Variants in TWIST2 observed in about 807,000 individuals in gnomAD.
The protein encoded by TWIST2 is twist family bHLH transcription factor 2, also known as twist-related protein 2.
Under a neutral mutation model 11.6 loss-of-function variants are expected in TWIST2, and 1 was observed. The ratio of observed to expected loss-of-function variants is 0.09; its 90% CI spans 0.03 to 0.41. The LOEUF (loss-of-function observed/expected upper bound fraction) is 0.41, where lower values mean the gene tolerates loss of function less well. Among genes scored for constraint, TWIST2 ranks in the 10% least tolerant of loss-of-function variants. The pLI is 0.98. For synonymous variants in TWIST2, 87 were observed against 96.6 expected (o/e 0.90, Z 0.58); for missense variants, 168 against 226.4 (o/e 0.74, Z 1.66).
intron 1 of TWIST2, among the ~76,000 whole-genome samples, chr2:238,885,249 CT>C (rs201888718): frequency 0.062 from 9,366 of 152,284 alleles, 505 homozygotes; most frequent in East Asian, 0.29. Context: ...CCTGGCTCCC[CT>C]GGATGGTGGT....
In TWIST2 at chr2:238,870,228, CAT is replaced by C. The variant is rs1303474178; in HGVS notation, c.*35+21497_*35+21498del. Among the ~76,000 whole-genome samples the C allele has an allele frequency of 9.3e-5, 2 of 21,582 alleles. 1 individual carries two copies. Among genetic ancestry groups the C allele is most frequent in the Admixed American group, 9.8e-4 (2 of 2,046 alleles). The allele number at this position is 21,582 out of a possible 152,430, so 14.2% of individuals were successfully genotyped here. ...AACCACACACCCCACACACACATCA[CAT>C]ACCACACACAAACCACACACCCCAC... On this transcript the variant is annotated intron_variant, in intron 1 of 1. Transcript: ENST00000612363.
At chr2:238,854,951 T>C (rs891780315) in intron 1 of TWIST2, among the ~76,000 whole-genome samples, 25 of 152,240 alleles carry the variant, frequency 1.6e-4, no homozygotes, top group African/African-American at 6.0e-4. Flanking sequence ...CTTTCCTTCA[T>C]CTCTGCTCTT....
chr2:238,857,234 G>C (rs1020321922), intron 1 of TWIST2, among the ~76,000 whole-genome samples: 2 of 152,176 alleles, frequency 1.3e-5, no homozygotes, highest in Non-Finnish European at 2.9e-5. Context: ...TTTGCAAGTA[G>C]CTGTCCCACC....
intron 1 of TWIST2, among the ~76,000 whole-genome samples, chr2:238,901,471 G>C (rs2106373154): frequency 6.6e-6 from 1 of 152,306 alleles, no homozygotes; most frequent in South Asian, 2.1e-4. Context: ...CTCCTCAGTA[G>C]GTGAATTCTG....
intron 1 of TWIST2, among the ~76,000 whole-genome samples, chr2:238,869,659 C>A (rs1007012265): frequency 2.6e-5 from 4 of 152,250 alleles, no homozygotes; most frequent in African/African-American, 9.6e-5. Flanking sequence ...TACCAGCTCA[C>A]ACCTATGAGG....
At chr2:238,897,613 C>T (rs1435904463) in intron 1 of TWIST2, among the ~76,000 whole-genome samples, 4 of 152,318 alleles carry the variant, frequency 2.6e-5, no homozygotes, top group Admixed American at 1.3e-4. Context: ...GCTTAGAGCT[C>T]GCAGTGCAGA....
chr2:238,855,078 C>T lies in TWIST2; in HGVS notation c.*35+6345C>T, dbSNP rs548575037. 5.3e-5 allele frequency among the ~76,000 whole-genome samples: 8 copies of T among 152,296 alleles called. No homozygotes were observed. The East Asian group carries it at 5.8e-4, about 11-fold the overall frequency. On this transcript the variant is annotated intron_variant, in intron 1 of 1. Coordinates refer to ENST00000612363, the MANE Select transcript of TWIST2 (RefSeq NM_001271893.4). ...TCCACAACTCAGACTTTTAGCTCGG[C>T]GGAAGAGTGCACAGGCGCAGCGCAA...
intron 1 of TWIST2, among the ~76,000 whole-genome samples, chr2:238,873,637 G>T (rs1692751150): frequency 6.6e-6 from 1 of 152,174 alleles, no homozygotes; most frequent in Admixed American, 6.5e-5. Flanking sequence ...CAACGGGCAG[G>T]TGGGTCCGAG....
intron 1 of TWIST2, among the ~76,000 whole-genome samples, chr2:238,870,046 G>A (rs1406584065): frequency 4.1e-4 from 61 of 147,546 alleles, no homozygotes; most frequent in Non-Finnish European, 3.0e-5. Flanking sequence ...AAGACAGTAC[G>A]GAGGGTCCTC....
Position 238,848,570 on chromosome 2 carries a change from C to G in TWIST2, c.355C>G (p.Gln119Glu). 1 of 1,582,758 alleles carries G rather than the reference C, an allele frequency of 6.3e-7. No individual in the cohort carries two copies. The highest frequency in any genetic ancestry group is 8.6e-7 in the Non-Finnish European group (1 of 1,167,674). The stretch of plus-strand genomic sequence containing the variant: ...CGCCAGGTACATAGACTTCCTCTAC[C>G]AGGTCCTGCAGAGCGACGAGATGGA... ...LAARYIDFLY[Q>E]VLQSDEMDNK... The change falls in exon 1 of 2, where the codon CAG becomes GAG. Residue 119 changes from glutamine (Q) to glutamate (E), a missense_variant. Physicochemically the swap from Gln to Glu is conservative, Grantham distance 29. Transcript: ENST00000612363.
Position 238,870,141 on chromosome 2 carries a change from C to A in TWIST2, c.*35+21408C>A, listed in dbSNP as rs1365062401. 8.3e-4 allele frequency among the ~76,000 whole-genome samples: 106 copies of A among 127,756 alleles called. 3 individuals carry two copies. Among genetic ancestry groups the A allele is most frequent in the African/African-American group, 3.2e-3 (97 of 30,346 alleles). 83.8% of individuals were successfully genotyped at this position (127,756 alleles called of 152,430 possible). A position where few individuals can be genotyped will look rare whatever the true frequency, so the allele number is the denominator to read the frequency against. On this transcript the variant is annotated intron_variant, in intron 1 of 1. Coordinates refer to ENST00000612363, the MANE Select transcript of TWIST2 (RefSeq NM_001271893.4). Reference sequence around the variant, plus strand: ...TACACCCCCCACACACACACCACACCCCATACACACCACACCCCACACACA... The same window carrying A: ...TACACCCCCCACACACACACCACACACCATACACACCACACCCCACACACA...
At position 238,894,295 on chromosome 2, in the gene TWIST2, G is replaced by C. The variant is rs1011060656; in HGVS notation, c.*36-15547G>C. Among the ~76,000 whole-genome samples, 61 of 152,250 alleles carry C rather than the reference G, an allele frequency of 4.0e-4. 1 individual carries two copies. The highest frequency in any genetic ancestry group is 1.4e-3 in the African/African-American group (60 of 41,550). ...CAGCAGCTCCACGTGGCTGACACGG[G>C]TCTTGTTGCCCCCGAGATGACTCCT... On this transcript the variant is annotated intron_variant, in intron 1 of 1. Coordinates refer to ENST00000612363, the MANE Select transcript of TWIST2 (RefSeq NM_001271893.4).
chr2:238,905,914 CGTGCAGGTGTGCGTGTGCGCGTGTGTGT>C (rs1356758164), intron 1 of TWIST2, among the ~76,000 whole-genome samples: 7,333 of 103,610 alleles, frequency 0.071, 267 homozygotes, highest in African/African-American at 0.19. Flanking sequence ...CGTGTGTGTG[CGTGCAGGTGTGCGTGTGCGCGTGTGTGT>C]GCGCGCGCGT....
rs556980798 is a variant in TWIST2 at position 238,866,831 on chromosome 2, C to T, written c.*35+18098C>T. Reference sequence around the variant, plus strand: ...TCCTGAGGCCTCGTATATCCCCTAGCGGCCTGGCAGCTGCGACGGTTTGTC... The same window carrying T: ...TCCTGAGGCCTCGTATATCCCCTAGTGGCCTGGCAGCTGCGACGGTTTGTC... On this transcript the variant is annotated intron_variant, in intron 1 of 1. Coordinates refer to ENST00000612363, the MANE Select transcript of TWIST2 (RefSeq NM_001271893.4). The surrounding 1 kb of genome is among the most constrained non-coding windows in gnomAD (Gnocchi z 4.9). Among the ~76,000 whole-genome samples the T allele has an allele frequency of 2.6e-5, 4 of 152,232 alleles. No homozygotes were observed. Among genetic ancestry groups the T allele is most frequent in the South Asian group, 2.1e-4 (1 of 4,816 alleles).
intron 1 of TWIST2, among the ~76,000 whole-genome samples, chr2:238,903,607 TGTG>T (rs1455414070): frequency 4.9e-5 from 7 of 142,242 alleles, no homozygotes; most frequent in African/African-American, 1.1e-4. Flanking sequence ...GTGTGTGTGA[TGTG>T]GGGTGTGTGT....
chr2:238,864,815 T>C lies in TWIST2; in HGVS notation c.*35+16082T>C, dbSNP rs1179456712. Among the ~76,000 whole-genome samples, 1 of 151,936 alleles carries C rather than the reference T, an allele frequency of 6.6e-6. No homozygotes were observed. The highest frequency in any genetic ancestry group is 1.5e-5 in the Non-Finnish European group (1 of 67,970). On this transcript the variant is annotated intron_variant, in intron 1 of 1. Transcript: ENST00000612363. The surrounding 1 kb of genome is among the most constrained non-coding windows in gnomAD (Gnocchi z 4.7). ...GGCTGTCCCCTTCTCTGAGCATCTG[T>C]GAGGGGTTTTCCTCTCCTTAGGGAC...
In TWIST2 at chr2:238,863,348, A is replaced by G. The variant is rs186358578; in HGVS notation, c.*35+14615A>G. Among the ~76,000 whole-genome samples the G allele has an allele frequency of 9.8e-5, 15 of 152,324 alleles. No individual in the cohort carries two copies. Among genetic ancestry groups the G allele is most frequent in the African/African-American group, 3.1e-4 (13 of 41,584 alleles). On this transcript the variant is annotated intron_variant, in intron 1 of 1. Coordinates refer to ENST00000612363, the MANE Select transcript of TWIST2 (RefSeq NM_001271893.4). This position sits in a 1 kb window ranked among gnomAD's most constrained non-coding sequence, Gnocchi z 4.7. Reference sequence around the variant, plus strand: ...TATTTTTGTATCTTCTGCAATCTACATTAAAGATGCCCGTCCATCATTTTC... The same window carrying G: ...TATTTTTGTATCTTCTGCAATCTACGTTAAAGATGCCCGTCCATCATTTTC...
chr2:238,870,323 ACACC>A (rs1692642573), intron 1 of TWIST2, among the ~76,000 whole-genome samples: 1 of 103,794 alleles, frequency 9.6e-6, no homozygotes, highest in Non-Finnish European at 1.9e-5. Flanking sequence ...ACACCCCCAC[ACACC>A]CCACACACCC....
chr2:238,848,281 C>G lies in TWIST2; in HGVS notation c.66C>G (p.Leu22=), dbSNP rs1387340244. 2 of 1,530,144 alleles carry G rather than the reference C, an allele frequency of 1.3e-6. No homozygotes were observed. Among genetic ancestry groups the G allele is most frequent in the Non-Finnish European group, 8.7e-7 (1 of 1,142,938 alleles). 94.8% of individuals were successfully genotyped at this position (1,530,144 alleles called of 1,614,324 possible). Residue 22 remains leucine, a synonymous_variant, in exon 1 of 2, where the codon CTC becomes CTG. Coordinates refer to ENST00000612363, the MANE Select transcript of TWIST2 (RefSeq NM_001271893.4). ...VDSLGTSEEE[L]ERQPKRFGRK... is the part of the protein sequence containing the mutation. ...GCCTGGGCACCAGCGAGGAGGAGCT[C>G]GAGAGGCAGCCCAAGCGCTTCGGCC...
Sources: allele counts gnomAD v4.1 joint callset (sites outside exome capture counted in the v4.1 genomes callset), GRCh38; gene constraint gnomAD v4.1.1; non-coding constraint Gnocchi (gnomAD v3.1); transcripts MANE v1.5; gene names NCBI Gene and HGNC (gene_info 2026-07-23, HGNC 2026-07-21).